NOX5: variants seen among roughly 807,000 people sequenced by gnomAD.
NOX5 encodes NADPH oxidase 5, also known as NADPH oxidase, EF-hand calcium binding domain 5.
Under a neutral mutation model 85.7 loss-of-function variants are expected in NOX5, and 76 were observed. That is an observed-to-expected ratio of 0.89 (90% CI 0.74 to 1.07). The LOEUF (loss-of-function observed/expected upper bound fraction) is 1.07. Ranked by LOEUF, NOX5 falls within the 50% of genes least tolerant of loss-of-function variation. NOX5 has a pLI of 0.00. For missense variants in NOX5, 973 were observed against 999.5 expected, an observed-to-expected ratio of 0.97 and a Z score of 0.36; for synonymous variants, 405 against 401.4, an observed-to-expected ratio of 1.01 and a Z score of -0.11.
At chr15:69,052,669 A>T (rs1028602413) in intron 14 of NOX5, among the ~76,000 whole-genome samples, 4 of 152,370 alleles carry the variant, frequency 2.6e-5, no homozygotes, top group Middle Eastern at 3.4e-3. Context: ...ACAAGAAACT[A>T]TCCAAACAGA....
rs745997440 is a variant in NOX5 at position 69,033,061 on chromosome 15, G to A, written c.639G>A (p.Thr213=). ...CTCGCAGCGCTGCCCACTGGCTGAC[G>A]GCCCCCGCCCCCCGCCCACGCCCGC... ...NLTISAAHWL[T]APAPRPRPRR... Residue 213 remains threonine (T), a synonymous_variant, in exon 5 of 16, where the codon ACG becomes ACA. Coordinates refer to ENST00000388866, the MANE Select transcript of NOX5 (RefSeq NM_024505.4). 18 of 1,552,586 alleles carry A rather than the reference G, an allele frequency of 1.2e-5. No homozygotes were observed. The highest frequency in any genetic ancestry group is 4.0e-5 in the Admixed American group (2 of 49,742).
chr15:69,033,147 TG>T lies in NOX5; in HGVS notation c.727del (p.Ala243ProfsTer45). Reference protein sequence around the residue: ...WHNHRSQLFCLATYAGLHVLL... With the variant: ...WHNHRSQLFCXATYAGLHVLL... ...AACCACCGCAGCCAGCTGTTCTGCC[TG>T]GCCACCTATGCAGGCCTCCACGTGC... On this transcript the variant is annotated frameshift_variant, in exon 5 of 16. Transcript: ENST00000388866. LOFTEE classifies it high-confidence loss of function. 1 of 1,574,762 alleles carries T rather than the reference TG, an allele frequency of 6.4e-7. No homozygotes were observed. Among genetic ancestry groups the T allele is most frequent in the South Asian group, 1.1e-5 (1 of 87,406 alleles).
Position 69,057,849 on chromosome 15 carries a change from T to C in NOX5, c.*1153T>C, listed in dbSNP as rs1320709761. The C allele has an allele frequency of 2.6e-5, 4 of 152,546 alleles. No individual in the cohort carries two copies. The East Asian group carries it at 7.7e-4, about 29-fold the overall frequency. 9.4% of individuals were successfully genotyped at this position (152,546 alleles called of 1,614,324 possible). ...GCATCTACATCATTTCTCTTTATCC[T>C]GGCTCCCTCTGTCTCTGTTTTCCAG... On this transcript the variant is annotated 3_prime_UTR_variant, in exon 16 of 16. Transcript: ENST00000388866.
Position 69,058,789 on chromosome 15 carries a change from A to G in NOX5, c.*2093A>G, listed in dbSNP as rs2050843663. On this transcript the variant is annotated 3_prime_UTR_variant, in exon 16 of 16. Transcript: ENST00000388866. ...ACCTCTTTCCCTCTGTTGAGTCTGT[A>G]CTTTCCCCTCTTCATCAGGCTTGGG... The G allele has an allele frequency of 6.6e-6, 1 of 152,188 alleles. No homozygotes were observed. Among genetic ancestry groups the G allele is most frequent in the South Asian group, 2.1e-4 (1 of 4,828 alleles). The allele number at this position is 152,188 out of a possible 1,614,324, so 9.4% of individuals were successfully genotyped here. A position where few individuals can be genotyped will look rare whatever the true frequency, so the allele number is the denominator to read the frequency against.
chr15:69,041,054 G>A (rs1370967479), intron 9 of NOX5, among the ~76,000 whole-genome samples: 1 of 152,186 alleles, frequency 6.6e-6, no homozygotes, highest in Non-Finnish European at 1.5e-5. Context: ...CCCTGGGAGA[G>A]TCTCCTGCCC....
intron 7 of NOX5, 124 bp from the exon 8 acceptor site, chr15:69,036,904 A>C: frequency 1.3e-6 from 1 of 764,930 alleles, no homozygotes; most frequent in East Asian, 2.5e-5. Context: ...ACCCAACTCC[A>C]TCCCCGGGAG....
At chr15:69,052,890 C>A (rs940197620) in intron 14 of NOX5, among the ~76,000 whole-genome samples, 1 of 152,134 alleles carries the variant, frequency 6.6e-6, no homozygotes, top group Non-Finnish European at 1.5e-5. Context: ...TGATGACAAG[C>A]TAAAGGAAAA....
intron 8 of NOX5, chr15:69,037,848 G>C (rs2050541917): frequency 6.6e-6 from 1 of 152,590 alleles, no homozygotes; most frequent in East Asian, 1.9e-4. Flanking sequence ...GGTGAGGAAG[G>C]CCTGATTATG....
chr15:69,058,885 G>A lies in NOX5; in HGVS notation c.*2189G>A, dbSNP rs1281889239. 6.6e-6 allele frequency: 1 copy of A among 152,232 alleles called. No individual in the cohort carries two copies. The highest frequency in any genetic ancestry group is 6.5e-5 in the Admixed American group (1 of 15,274). The allele number at this position is 152,232 out of a possible 1,614,324, so 9.4% of individuals were successfully genotyped here. A position where few individuals can be genotyped will look rare whatever the true frequency, so the allele number is the denominator to read the frequency against. On this transcript the variant is annotated 3_prime_UTR_variant, in exon 16 of 16. Transcript: ENST00000388866. ...AGGGTGTTCTGACTTAAGGTTGGAGGATGTAAACAGGCTGTGCCAAATCAT... is the reference window on the plus strand; with the variant it reads ...AGGGTGTTCTGACTTAAGGTTGGAGAATGTAAACAGGCTGTGCCAAATCAT...
intron 13 of NOX5, among the ~76,000 whole-genome samples, chr15:69,048,443 G>A (rs1171695338): frequency 6.6e-6 from 1 of 152,036 alleles, no homozygotes; most frequent in African/African-American, 2.4e-5. Context: ...TGAGGTGGGA[G>A]GATCACTTGA....
Position 69,035,350 on chromosome 15 carries a change from C to T in NOX5, c.856-4C>T. 1 of 1,613,340 alleles carries T rather than the reference C, an allele frequency of 6.2e-7. No individual in the cohort carries two copies. Among genetic ancestry groups the T allele is most frequent in the Non-Finnish European group, 8.5e-7 (1 of 1,179,614 alleles). On this transcript the variant is annotated splice_region_variant and splice_polypyrimidine_tract_variant and intron_variant, in intron 5 of 15. Coordinates refer to ENST00000388866, the MANE Select transcript of NOX5 (RefSeq NM_024505.4). The stretch of plus-strand genomic sequence containing the variant: ...CAGGGCTCTCTCCCACTCTGCCTGG[C>T]CAGGTGCTGATGCTCAGACGCTGCC...
At chr15:69,022,604 T>C (rs2050308473) in intron 1 of NOX5, 1 of 177,688 alleles carries the variant, frequency 5.6e-6, no homozygotes, top group South Asian at 1.5e-4. Flanking sequence ...GATGATGTCA[T>C]GATGAGTACC....
intron 8 of NOX5, 47 bp from the exon 9 acceptor site, chr15:69,038,810 G>C (rs1297982999): frequency 6.2e-7 from 1 of 1,613,934 alleles, no homozygotes; most frequent in East Asian, 2.2e-5. Context: ...AGCCCCTGGT[G>C]GCTTTGGGCC....
chr15:69,035,428 C>T lies in NOX5; in HGVS notation c.930C>T (p.Asn310=). ...CTCAAGTCCTACCACTGGACCAGAA[C>T]ATCCAGTTCCACCAGCTTATGGGCT... ...WLAQVLPLDQ[N]IQFHQLMGYV... Residue 310 remains asparagine (N), a synonymous_variant, in exon 6 of 16, where the codon AAC becomes AAT. Coordinates refer to ENST00000388866, the MANE Select transcript of NOX5 (RefSeq NM_024505.4). The T allele has an allele frequency of 6.2e-7, 1 of 1,614,186 alleles. No homozygotes were observed. Among genetic ancestry groups the T allele is most frequent in the Non-Finnish European group, 8.5e-7 (1 of 1,180,004 alleles).
In NOX5 at chr15:69,031,712, T is replaced by C; in HGVS notation, c.520T>C (p.Phe174Leu). 6.2e-7 allele frequency: 1 copy of C among 1,613,168 alleles called. No homozygotes were observed. Among genetic ancestry groups the C allele is most frequent in the Non-Finnish European group, 8.5e-7 (1 of 1,179,786 alleles). ...EKLDQLTLAL[F>L]ESADADGNGA... ...GCTGGACCAGCTGACGCTGGCGCTC[T>C]TCGAATCGGCCGACGCGGACGGCAA... Residue 174 changes from phenylalanine to leucine, a missense_variant, in exon 4 of 16, where the codon TTC becomes CTC. Phe to Leu is a conservative substitution (Grantham distance 22). Coordinates refer to ENST00000388866, the MANE Select transcript of NOX5 (RefSeq NM_024505.4).
At chr15:69,017,883 G>A (rs2050250115) in intron 1 of NOX5, among the ~76,000 whole-genome samples, 1 of 151,856 alleles carries the variant, frequency 6.6e-6, no homozygotes, top group Non-Finnish European at 1.5e-5. Flanking sequence ...TCAAATAACT[G>A]GCACAGGATC....
At chr15:69,036,364 C>A (rs2050516487) in intron 7 of NOX5, among the ~76,000 whole-genome samples, 1 of 152,234 alleles carries the variant, frequency 6.6e-6, no homozygotes, top group African/African-American at 2.4e-5. Context: ...TGTAAAACCA[C>A]TAACTACATC....
At position 69,061,168 on chromosome 15, in the gene NOX5, T is replaced by A. The variant is rs2050867743; in HGVS notation, c.*4472T>A. On this transcript the variant is annotated 3_prime_UTR_variant, in exon 16 of 16. Transcript: ENST00000388866. ...AGAGTAAAACAAAATGCAGAGATTA[T>A]CTGCAGTGTTGTCTAAGATCCTGAA... is the stretch of plus-strand genomic sequence containing the variant. 1 of 152,266 alleles carries A rather than the reference T, an allele frequency of 6.6e-6. No individual in the cohort carries two copies. The highest frequency in any genetic ancestry group is 2.4e-5 in the African/African-American group (1 of 41,480). 9.4% of individuals were successfully genotyped at this position (152,266 alleles called of 1,614,324 possible).
chr15:69,053,851 C>G (rs1595792169), intron 14 of NOX5, among the ~76,000 whole-genome samples: 1 of 152,142 alleles, frequency 6.6e-6, no homozygotes, highest in Non-Finnish European at 1.5e-5. Flanking sequence ...AGGTGGGCAT[C>G]TCATAATACA....
Sources: allele counts gnomAD v4.1 joint callset (sites outside exome capture counted in the v4.1 genomes callset), GRCh38; gene constraint gnomAD v4.1.1; transcripts MANE v1.5; gene names NCBI Gene and HGNC (gene_info 2026-07-23, HGNC 2026-07-21).